PCDH15: variants seen among roughly 807,000 people sequenced by gnomAD.
PCDH15 encodes the protein protocadherin-15.
Under a neutral mutation model 178.5 loss-of-function variants are expected in PCDH15, and 129 were observed. The ratio of observed to expected loss-of-function variants is 0.72; its 90% confidence interval spans 0.63 to 0.84. PCDH15 has a LOEUF of 0.84. PCDH15 is among the 40% of genes least tolerant of loss of function. The pLI is 0.00. For missense variants in PCDH15, 2,230 were observed against 2,099.9 expected (o/e 1.06, Z -1.21); for synonymous variants, 800 against 732.0 (o/e 1.09, Z -1.50).
intron 2 of PCDH15, among the ~76,000 whole-genome samples, chr10:54,638,362 A>G (rs1590743003): frequency 1.3e-5 from 2 of 152,094 alleles, no homozygotes; most frequent in Admixed American, 6.6e-5. Flanking sequence ...GACATTTACA[A>G]TTAAGATTAT....
intron 1 of PCDH15, among the ~76,000 whole-genome samples, chr10:55,241,573 C>A (rs764335590): frequency 6.6e-6 from 1 of 152,028 alleles, no homozygotes; most frequent in African/African-American, 2.4e-5. Context: ...GTGTACACCA[C>A]CGTGCCTGGC....
intron 2 of PCDH15, among the ~76,000 whole-genome samples, chr10:55,050,540 TA>T (rs1380922768): frequency 6.6e-6 from 1 of 152,032 alleles, no homozygotes; most frequent in African/African-American, 2.4e-5. Context: ...TAATTATTAT[TA>T]ACATTCTTTG....
At chr10:54,182,115 G>A (rs981231779) in intron 13 of PCDH15, among the ~76,000 whole-genome samples, 8 of 152,134 alleles carry the variant, frequency 5.3e-5, no homozygotes, top group Admixed American at 1.3e-4. Flanking sequence ...ATGCCGCCAC[G>A]TCCGGCTAAT....
chr10:54,220,853 TAAATAAATAAATAAATAAG>T (rs1265136859), intron 9 of PCDH15, among the ~76,000 whole-genome samples: 2 of 148,366 alleles, frequency 1.3e-5, no homozygotes, highest in African/African-American at 5.1e-5. Context: ...AATAAATAAA[TAAATAAATAAATAAATAAG>T]TAAAATAAAT....
At chr10:55,390,933 A>G (rs1372396049) in intron 2 of PCDH15, among the ~76,000 whole-genome samples, 1 of 152,164 alleles carries the variant, frequency 6.6e-6, no homozygotes, top group Non-Finnish European at 1.5e-5. Flanking sequence ...TAACATTAAG[A>G]CTTAAGGACC....
intron 1 of PCDH15, among the ~76,000 whole-genome samples, chr10:55,238,148 T>TC (rs1228778023): frequency 1.4e-5 from 2 of 145,170 alleles, no homozygotes; most frequent in East Asian, 3.9e-4. Flanking sequence ...ATATTTTCTT[T>TC]TTTTTTTTTT....
chr10:55,209,506 G>A (rs950801846), intron 1 of PCDH15, among the ~76,000 whole-genome samples: 4 of 151,914 alleles, frequency 2.6e-5, no homozygotes, highest in African/African-American at 9.7e-5. Context: ...GGATGAGGAC[G>A]TGAGGAAAAG....
chr10:53,894,368 G>A (rs568561157), intron 26 of PCDH15, among the ~76,000 whole-genome samples: 5 of 152,270 alleles, frequency 3.3e-5, no homozygotes, highest in South Asian at 4.1e-4. Flanking sequence ...GAAACCAGAC[G>A]AGATCGGGCG....
At chr10:55,224,368 C>G (rs1051421577) in intron 1 of PCDH15, among the ~76,000 whole-genome samples, 1 of 152,052 alleles carries the variant, frequency 6.6e-6, no homozygotes, top group Non-Finnish European at 1.5e-5. Flanking sequence ...CTGTCTTTGA[C>G]TAGGTGGTAG....
intron 2 of PCDH15, among the ~76,000 whole-genome samples, chr10:55,142,906 G>T (rs749586427): frequency 1.6e-4 from 25 of 152,132 alleles, no homozygotes; most frequent in Admixed American, 2.6e-4. Context: ...ATATGATTTG[G>T]CTCTGCGTCC....
At chr10:54,907,596 T>C (rs1954747290) in intron 2 of PCDH15, among the ~76,000 whole-genome samples, 2 of 152,162 alleles carry the variant, frequency 1.3e-5, no homozygotes, top group Admixed American at 6.6e-5. Flanking sequence ...ATTGTCATTG[T>C]TAAGGCCCCC....
chr10:55,092,632 A>T (rs1842344797), intron 2 of PCDH15, among the ~76,000 whole-genome samples: 1 of 151,886 alleles, frequency 6.6e-6, no homozygotes, highest in South Asian at 2.1e-4. Context: ...GTCTTAATTG[A>T]CTTGAGAAGA....
intron 1 of PCDH15, among the ~76,000 whole-genome samples, chr10:55,226,133 C>G (rs1285085220): frequency 6.6e-6 from 1 of 152,038 alleles, no homozygotes; most frequent in Non-Finnish European, 1.5e-5. Context: ...CTTGAACAAA[C>G]AGTTTCTAAT....
intron 2 of PCDH15, among the ~76,000 whole-genome samples, chr10:55,509,230 A>C (rs1840827018): frequency 6.6e-6 from 1 of 151,818 alleles, no homozygotes; most frequent in Non-Finnish European, 1.5e-5. Flanking sequence ...AGATTTTAGG[A>C]TATAGTAAAT....
intron 2 of PCDH15, among the ~76,000 whole-genome samples, chr10:54,948,629 T>A (rs184174237): frequency 2.8e-4 from 42 of 151,934 alleles, no homozygotes; most frequent in African/African-American, 8.0e-4. Context: ...GAAGAAGAGA[T>A]TAAAAAGTTA....
At chr10:54,328,768 T>A (rs1394950261) in intron 7 of PCDH15, among the ~76,000 whole-genome samples, 1 of 149,870 alleles carries the variant, frequency 6.7e-6, no homozygotes, top group Non-Finnish European at 1.5e-5. Flanking sequence ...TGATAAGGCA[T>A]TGGGAAAATA....
chr10:55,396,093 T>C (rs910800691), intron 2 of PCDH15, among the ~76,000 whole-genome samples: 1 of 152,156 alleles, frequency 6.6e-6, no homozygotes, highest in African/African-American at 2.4e-5. Context: ...TCTAAGGAAA[T>C]ATGTATCAAT....
chr10:53,861,234 C>T (rs922904543), intron 27 of PCDH15, among the ~76,000 whole-genome samples: 4 of 152,026 alleles, frequency 2.6e-5, no homozygotes, highest in Non-Finnish European at 5.9e-5. Context: ...CAGAAATTTG[C>T]ATGTCAGTTT....
chr10:54,618,758 ATAT>A (rs377103211), intron 2 of PCDH15, among the ~76,000 whole-genome samples: 70 of 152,096 alleles, frequency 4.6e-4, no homozygotes, highest in African/African-American at 1.5e-3. Flanking sequence ...TTATGTTGAA[ATAT>A]TATTACAAAA....
Sources: gnomAD v4.1 joint callset for allele counts (sites outside exome capture counted in the v4.1 genomes callset) on GRCh38, gnomAD v4.1.1 for gene constraint, MANE v1.5 for transcripts, NCBI Gene and HGNC (gene_info 2026-07-23, HGNC 2026-07-21) for gene names.